The following IQSEC1 variants were observed in gnomAD, a reference collection of about 807,000 sequenced individuals.
The protein encoded by IQSEC1 is IQ motif and Sec7 domain ArfGEF 1, also known as IQ motif and SEC7 domain-containing protein 1.
A neutral mutation model predicts 91.0 loss-of-function variants in IQSEC1; 31 were observed. The observed-to-expected ratio is 0.34, with a 90% confidence interval of 0.26 to 0.46. IQSEC1 has a LOEUF of 0.46. Ranked by LOEUF, IQSEC1 falls within the 20% of genes least tolerant of loss-of-function variation. The pLI, the probability that IQSEC1 is intolerant of heterozygous loss-of-function variation, is 1.00. For synonymous variants in IQSEC1, 699 were observed against 662.6 expected, an observed-to-expected ratio of 1.05 and a Z score of -0.84; for missense variants, 1,388 against 1,575.6, an observed-to-expected ratio of 0.88 and a Z score of 2.02.
chr3:12,990,031 A>C lies in IQSEC1; in HGVS notation c.24-48166T>G, dbSNP rs142161493. On this transcript the variant is annotated intron_variant, in intron 1 of 13. Transcript: ENST00000613206. ...CCTCAGTCCACTTGGATAAGCCCCA[A>C]ACCTGGTCCTAGTTCAGCATCTGGC... is the stretch of plus-strand genomic sequence containing the variant. Among the ~76,000 whole-genome samples the C allele has an allele frequency of 4.2e-3, 637 of 152,286 alleles. 4 individuals carry two copies. The highest frequency in any genetic ancestry group is 0.015 in the African/African-American group (604 of 41,564).
rs1575830703 is a variant in IQSEC1, at chr3:12,901,352, C to T, written c.2976G>A (p.Leu992=). 6 of 1,524,336 alleles carry T rather than the reference C, an allele frequency of 3.9e-6. No individual in the cohort carries two copies. In the East Asian group the frequency reaches 7.4e-5, roughly 19 times the overall value. 94.4% of individuals were successfully genotyped at this position (1,524,336 alleles called of 1,614,324 possible). A position where few individuals can be genotyped will look rare whatever the true frequency, so the allele number is the denominator to read the frequency against. Residue 992 remains leucine, a synonymous_variant, in exon 14 of 14, where the codon CTG becomes CTA. Transcript: ENST00000613206. ...PQAHLPSAPA[L]PPPHPPVVLP... is the part of the protein sequence containing the mutation. Reference sequence around the variant, plus strand: ...GGACCACCGGTGGGTGGGGGGGTGGCAGGGCTGGGGCTGAGGGCAGGTGGG... The same window carrying T: ...GGACCACCGGTGGGTGGGGGGGTGGTAGGGCTGGGGCTGAGGGCAGGTGGG...
intron 7 of IQSEC1, 97 bp downstream of exon 7, chr3:12,915,497 A>G (rs1695993152): frequency 1.5e-6 from 2 of 1,351,034 alleles, no homozygotes; most frequent in East Asian, 2.3e-5. Context: ...GCTGGAAGAG[A>G]CCACACGGAG....
chr3:12,910,118 CCTT>C (rs1163406004), intron 10 of IQSEC1, among the ~76,000 whole-genome samples: 31 of 152,354 alleles, frequency 2.0e-4, no homozygotes, highest in Non-Finnish European at 3.4e-4. Flanking sequence ...TGACACCAAA[CCTT>C]CTGATTTTCA....
chr3:13,181,041 G>A (rs992204422), intron 1 of IQSEC1, among the ~76,000 whole-genome samples: 1 of 152,192 alleles, frequency 6.6e-6, no homozygotes, highest in African/African-American at 2.4e-5. Context: ...GGAGGCTGAG[G>A]CGGGCGGATC....
intron 12 of IQSEC1, 56 bp from the exon 13 acceptor site, chr3:12,902,878 G>A: frequency 3.7e-6 from 5 of 1,334,062 alleles, no homozygotes; most frequent in South Asian, 2.4e-5. Flanking sequence ...TGGGGGTGCT[G>A]CCTGCCTGGT....
At chr3:12,926,703 G>C (rs1369306945) in intron 3 of IQSEC1, among the ~76,000 whole-genome samples, 1 of 152,218 alleles carries the variant, frequency 6.6e-6, no homozygotes, top group Non-Finnish European at 1.5e-5. Context: ...GGGGTGGGGG[G>C]GATGGAGATG....
intron 1 of IQSEC1, among the ~76,000 whole-genome samples, chr3:13,246,233 C>T (rs756558446): frequency 4.1e-4 from 63 of 152,182 alleles, no homozygotes; most frequent in Admixed American, 1.3e-4. Flanking sequence ...TCAGGGTGTG[C>T]CGCAGAGTAA....
intron 1 of IQSEC1, among the ~76,000 whole-genome samples, chr3:12,985,496 C>A (rs965351163): frequency 2.0e-5 from 3 of 152,114 alleles, no homozygotes; most frequent in Admixed American, 2.0e-4. Context: ...ACAATCCCCC[C>A]CCCCCCGCCA....
intron 2 of IQSEC1, among the ~76,000 whole-genome samples, chr3:12,938,851 C>T (rs1698484925): frequency 6.6e-6 from 1 of 152,174 alleles, no homozygotes; most frequent in African/African-American, 2.4e-5. Flanking sequence ...GAAGGGACTT[C>T]AGGAAGGCAG....
rs1696531925 is a variant in IQSEC1, at chr3:12,920,562, G to A, written c.1888C>T (p.Arg630Trp). Residue 630 changes from arginine to tryptophan, a missense_variant, in exon 6 of 14, where the codon CGG (arginine) becomes TGG (tryptophan). Physicochemically the swap from Arg to Trp is moderately radical, Grantham distance 101. Coordinates refer to ENST00000613206, the MANE Select transcript of IQSEC1 (RefSeq NM_001134382.3). ...RYCICNPGVV[R>W]QFRNPDTIFI... ...ATGGTGTCTGGGTTCCGGAATTGCC[G>A]CACCACCCCAGGGTTGCAGATGCAG... 4 of 1,614,128 alleles carry A rather than the reference G, an allele frequency of 2.5e-6. No homozygotes were observed. Among genetic ancestry groups the A allele is most frequent in the Non-Finnish European group, 3.4e-6 (4 of 1,180,024 alleles).
At chr3:12,933,555 C>T (rs1697897733) in intron 3 of IQSEC1, among the ~76,000 whole-genome samples, 1 of 152,270 alleles carries the variant, frequency 6.6e-6, no homozygotes, top group Non-Finnish European at 1.5e-5. Context: ...CAACGCTTTA[C>T]CCTCACCGCC....
At chr3:13,039,729 C>A (rs1704180572) in intron 1 of IQSEC1, among the ~76,000 whole-genome samples, 1 of 152,210 alleles carries the variant, frequency 6.6e-6, no homozygotes, top group African/African-American at 2.4e-5. Flanking sequence ...GAGGTCTGAC[C>A]ACAAAGTCTG....
In IQSEC1 at chr3:13,279,668, G is replaced by A. The variant is rs759376710; in HGVS notation, c.272+3043C>T. 5.8e-4 allele frequency among the ~76,000 whole-genome samples: 89 copies of A among 152,298 alleles called. 2 individuals carry two copies. Among genetic ancestry groups the A allele is most frequent in the Non-Finnish European group, 7.1e-4 (48 of 68,028 alleles). On this transcript the variant is annotated intron_variant, in intron 1 of 15. Coordinates refer to the IQSEC1 transcript ENST00000648114. ...TCTGTGTGGCGGGCTGGGGGCTCCT[G>A]ACTCACGCCAGAGAATCTGGAGGCT...
At chr3:12,966,706 C>T (rs1700594161) in intron 1 of IQSEC1, among the ~76,000 whole-genome samples, 1 of 152,186 alleles carries the variant, frequency 6.6e-6, no homozygotes, top group South Asian at 2.1e-4. Flanking sequence ...CACATCCACA[C>T]TCTGCCACAA....
In IQSEC1 at chr3:13,133,827, C is replaced by T. The variant is rs577000201; in HGVS notation, c.302+30277G>A. Among the ~76,000 whole-genome samples, 9 of 152,314 alleles carry T rather than the reference C, an allele frequency of 5.9e-5. No individual in the cohort carries two copies. In the East Asian group the frequency reaches 9.7e-4, roughly 16 times the overall value. The stretch of plus-strand genomic sequence containing the variant: ...GCAGGGAGGGTTGGGGCATGGAGCA[C>T]GCTTAGCCTGCTGGCTTAGCTCCGA... On this transcript the variant is annotated intron_variant, in intron 2 of 15. Coordinates refer to the IQSEC1 transcript ENST00000648114.
At chr3:13,227,898 G>A (rs1262475028) in intron 1 of IQSEC1, among the ~76,000 whole-genome samples, 2 of 152,194 alleles carry the variant, frequency 1.3e-5, no homozygotes, top group Admixed American at 6.5e-5. Flanking sequence ...GCCGAGGCCT[G>A]AGGCTGGATC....
At chr3:12,950,953 T>A (rs1481865158) in intron 1 of IQSEC1, among the ~76,000 whole-genome samples, 2 of 152,092 alleles carry the variant, frequency 1.3e-5, no homozygotes, top group Non-Finnish European at 2.9e-5. Flanking sequence ...GCCAAAAAAA[T>A]TTTTTAAATA....
intron 1 of IQSEC1, among the ~76,000 whole-genome samples, chr3:13,194,505 C>T (rs993122670): frequency 7.9e-5 from 12 of 152,276 alleles, no homozygotes; most frequent in South Asian, 4.1e-4. Context: ...AAACTTCCCT[C>T]GCAGGGCCAG....
intron 1 of IQSEC1, among the ~76,000 whole-genome samples, chr3:13,004,642 C>T (rs56029940): frequency 0.013 from 1,987 of 152,278 alleles, 22 homozygotes; most frequent in Non-Finnish European, 0.018. Flanking sequence ...AGGGACAGGG[C>T]ATCTATGCAG....
Sources: allele counts gnomAD v4.1 joint callset (sites outside exome capture counted in the v4.1 genomes callset), GRCh38; gene constraint gnomAD v4.1.1; transcripts MANE v1.5; gene names NCBI Gene and HGNC (gene_info 2026-07-23, HGNC 2026-07-21).